The following AKR1A1 variants were observed in gnomAD, a reference collection of about 807,000 sequenced individuals.
The protein encoded by AKR1A1 is aldo-keto reductase family 1 member A1, also known as HEL-S-165mP.
Under a neutral mutation model 39.2 loss-of-function variants are expected in AKR1A1, and 26 were observed. The observed-to-expected ratio is 0.66, with a 90% CI of 0.49 to 0.92. The LOEUF (loss-of-function observed/expected upper bound fraction) is 0.92, where lower values mean the gene tolerates loss of function less well. AKR1A1 is among the 40% of genes least tolerant of loss of function. The probability of loss-of-function intolerance (pLI) is 0.00; values close to 1 mark genes in which losing one functional copy is unlikely to be tolerated. For synonymous variants in AKR1A1, 141 were observed against 155.5 expected (o/e 0.91, Z 0.69); for missense variants, 378 against 406.5 (o/e 0.93, Z 0.60).
intron 2 of AKR1A1, among the ~76,000 whole-genome samples, chr1:45,564,758 T>A (rs1287556243): frequency 5.9e-5 from 9 of 151,872 alleles, no homozygotes; most frequent in Non-Finnish European, 1.0e-4. Context: ...TATCCATCTG[T>A]CTTCTGATTG....
intron 1 of AKR1A1, among the ~76,000 whole-genome samples, chr1:45,555,935 G>T (rs1644196679): frequency 6.6e-6 from 1 of 152,108 alleles, no homozygotes; most frequent in African/African-American, 2.4e-5. Flanking sequence ...CAGAAGTGGG[G>T]TGAGAAGAAT....
chr1:45,569,615 C>T lies in AKR1A1; in HGVS notation c.913-276C>T, dbSNP rs192146159. ...GAGGGATTGGGGTTGGGAGGGAAGTCGGCTGTACTTAGGGAAATAAATGGT... is the reference window on the plus strand; with the variant it reads ...GAGGGATTGGGGTTGGGAGGGAAGTTGGCTGTACTTAGGGAAATAAATGGT... On this transcript the variant is annotated intron_variant, in intron 8 of 8. Coordinates refer to ENST00000351829, the MANE Select transcript of AKR1A1 (RefSeq NM_153326.3). 3.9e-5 allele frequency among the ~76,000 whole-genome samples: 6 copies of T among 152,244 alleles called. No homozygotes were observed. In the East Asian group the frequency reaches 9.6e-4, roughly 24 times the overall value.
intron 4 of AKR1A1, chr1:45,567,258 G>A (rs913982099): frequency 7.7e-6 from 4 of 519,708 alleles, no homozygotes; most frequent in African/African-American, 3.8e-5. Flanking sequence ...GTATGCACCT[G>A]TAACCCTCCT....
chr1:45,566,869 G>GCGGTGCCT lies in AKR1A1; in HGVS notation c.209_216dup (p.Glu73CysfsTer8). ...CTGTGGGCCCTGCCCCCTGCACTAG[G>GCGGTGCCT]CGGTGCCTCGGGAGGAGCTGTTTGT... On this transcript the variant is annotated frameshift_variant and splice_region_variant, in exon 4 of 9. Coordinates refer to ENST00000351829, the MANE Select transcript of AKR1A1 (RefSeq NM_153326.3). LOFTEE classifies it high-confidence loss of function. 1 of 1,613,870 alleles carries GCGGTGCCT rather than the reference G, an allele frequency of 6.2e-7. No individual in the cohort carries two copies. Among genetic ancestry groups the GCGGTGCCT allele is most frequent in the Non-Finnish European group, 8.5e-7 (1 of 1,179,886 alleles).
In AKR1A1 at chr1:45,566,680, C is replaced by T; in HGVS notation, c.196C>T (p.Pro66Ser). 1.9e-6 allele frequency: 3 copies of T among 1,614,192 alleles called. No individual in the cohort carries two copies. The highest frequency in any genetic ancestry group is 2.7e-5 in the African/African-American group (2 of 75,064). The change falls in exon 3 of 9, where the codon CCA becomes TCA. Residue 66 changes from proline to serine, a missense_variant. Coordinates refer to ENST00000351829, the MANE Select transcript of AKR1A1 (RefSeq NM_153326.3). ...IGEALKEDVG[P>S]GKAVPREELF... The stretch of plus-strand genomic sequence containing the variant: ...GGAGGCCCTGAAGGAGGACGTGGGA[C>T]CAGGCAAGGTAAGGACTGGGGTTGT...
chr1:45,561,455 G>T (rs1024060340), intron 1 of AKR1A1, among the ~76,000 whole-genome samples: 8 of 152,148 alleles, frequency 5.3e-5, no homozygotes, highest in African/African-American at 1.9e-4. Flanking sequence ...CCAGGCTGGA[G>T]TGCAGTGGCG....
At chr1:45,563,903 C>T (rs188359836) in intron 2 of AKR1A1, among the ~76,000 whole-genome samples, 1 of 152,206 alleles carries the variant, frequency 6.6e-6, no homozygotes, top group East Asian at 1.9e-4. Context: ...ACCATCCCAG[C>T]TGAGGGGAGT....
At position 45,551,101 on chromosome 1, in the gene AKR1A1, T is replaced by G. The variant is rs1570882542; in HGVS notation, c.-61T>G. On this transcript the variant is annotated 5_prime_UTR_variant, in exon 1 of 9. Transcript: ENST00000351829. ...GAGGATCGTTGGATCTCTGGCGGGG[T>G]GCAGAACTGAGCCCAGGCCACAGTA... 6.6e-6 allele frequency: 1 copy of G among 152,064 alleles called. No homozygotes were observed. The highest frequency in any genetic ancestry group is 6.6e-5 in the Admixed American group (1 of 15,258). 9.4% of individuals were successfully genotyped at this position (152,064 alleles called of 1,614,324 possible).
intron 4 of AKR1A1, chr1:45,567,326 A>C: frequency 3.3e-6 from 1 of 306,196 alleles, no homozygotes; most frequent in South Asian, 6.0e-5. Context: ...CTGGGGTTAC[A>C]GTAATAAGTA....
chr1:45,564,273 C>G (rs1274676551), intron 2 of AKR1A1, among the ~76,000 whole-genome samples: 1 of 152,098 alleles, frequency 6.6e-6, no homozygotes, highest in Non-Finnish European at 1.5e-5. Context: ...GGGCCACAGA[C>G]AAGGCCAAGG....
chr1:45,557,673 A>T (rs1281613049), intron 1 of AKR1A1, among the ~76,000 whole-genome samples: 1 of 152,188 alleles, frequency 6.6e-6, no homozygotes, highest in African/African-American at 2.4e-5. Flanking sequence ...CCCTGGTGGC[A>T]GCAGGCCACC....
chr1:45,566,879 G>A lies in AKR1A1; in HGVS notation c.215G>A (p.Arg72Gln), dbSNP rs147072115. The A allele has an allele frequency of 6.8e-6, 11 of 1,613,876 alleles. No homozygotes were observed. Among genetic ancestry groups the A allele is most frequent in the African/African-American group, 6.7e-5 (5 of 74,936 alleles). Reference protein sequence around the residue: ...EDVGPGKAVPREELFVTSKLW... With the variant: ...EDVGPGKAVPQEELFVTSKLW... ...TGCCCCCTGCACTAGGCGGTGCCTC[G>A]GGAGGAGCTGTTTGTGACATCCAAG... Residue 72 changes from arginine to glutamine, a missense_variant, in exon 4 of 9, where the codon CGG becomes CAG. By Grantham distance (43) the Arg-to-Gln change is conservative (BLOSUM62 1). Transcript: ENST00000351829.
Position 45,566,780 on chromosome 1 carries a change from C to T in AKR1A1, c.205-89C>T. 1.9e-6 allele frequency: 3 copies of T among 1,594,686 alleles called. No homozygotes were observed. In the South Asian group the frequency reaches 3.4e-5, roughly 18 times the overall value. On this transcript the variant is annotated intron_variant, in intron 3 of 8. Transcript: ENST00000351829. ...CCAGCTGGAGGGAATCTGGCATCAG[C>T]TTCCTTCCAGTTCCTCTCCCAGAGT...
chr1:45,554,554 G>T (rs1474648343), intron 1 of AKR1A1, among the ~76,000 whole-genome samples: 1 of 152,250 alleles, frequency 6.6e-6, no homozygotes, highest in East Asian at 1.9e-4. Flanking sequence ...ACTCCAGCCT[G>T]GGCAACAGAG....
At chr1:45,557,788 T>C (rs1644224687) in intron 1 of AKR1A1, among the ~76,000 whole-genome samples, 2 of 152,208 alleles carry the variant, frequency 1.3e-5, no homozygotes, top group South Asian at 2.1e-4. Flanking sequence ...GATTGAAGTT[T>C]TGATTTTGTT....
chr1:45,568,362 A>G, intron 5 of AKR1A1, 123 bp from the exon 6 acceptor site: 3 of 1,286,480 alleles, frequency 2.3e-6, no homozygotes, highest in Non-Finnish European at 3.3e-6. Context: ...AAATGGTGAG[A>G]AAAGCAGGCT....
At chr1:45,553,209 G>A (rs915569178) in intron 1 of AKR1A1, among the ~76,000 whole-genome samples, 1 of 151,640 alleles carries the variant, frequency 6.6e-6, no homozygotes, top group Admixed American at 6.6e-5. Context: ...AGATCACGAG[G>A]TCAAGAGATG....
rs371770849 is a variant in AKR1A1 at position 45,561,858 on chromosome 1, T to A, written c.64T>A (p.Trp22Arg). The change falls in exon 2 of 9, where the codon TGG (tryptophan) becomes AGG (arginine). Residue 22 changes from tryptophan (W) to arginine (R), a missense_variant. By Grantham distance (101) the Trp-to-Arg change is moderately radical (BLOSUM62 -3). Coordinates refer to ENST00000351829, the MANE Select transcript of AKR1A1 (RefSeq NM_153326.3). ...GATGCCTCTGATTGGTCTGGGTACC[T>A]GGAAGAGTGAGCCTGGTCAGGTGAG... ...QKMPLIGLGTWKSEPGQVKAA... is the reference protein window; with the variant it reads ...QKMPLIGLGTRKSEPGQVKAA... 14 of 1,613,952 alleles carry A rather than the reference T, an allele frequency of 8.7e-6. No homozygotes were observed. In the African/African-American group the frequency reaches 1.7e-4, roughly 20 times the overall value.
At chr1:45,568,849 A>C in intron 6 of AKR1A1, 78 bp from the exon 7 acceptor site, 1 of 1,550,358 alleles carries the variant, frequency 6.5e-7, no homozygotes, top group South Asian at 1.1e-5. Flanking sequence ...CCAGGAGCTT[A>C]GGGAAGCTGC....
Sources: gnomAD v4.1 joint callset for allele counts (sites outside exome capture counted in the v4.1 genomes callset) on GRCh38, gnomAD v4.1.1 for gene constraint, MANE v1.5 for transcripts, NCBI Gene and HGNC (gene_info 2026-07-23, HGNC 2026-07-21) for gene names.